Variants in ABCC4 observed in about 807,000 individuals in gnomAD.
The protein encoded by ABCC4 is ATP binding cassette subfamily C member 4 (PEL blood group).
A neutral mutation model predicts 168.5 loss-of-function variants in ABCC4; 102 were observed. That is an observed-to-expected ratio of 0.61 (90% confidence interval 0.52 to 0.71). The LOEUF is 0.71. Among genes scored for constraint, ABCC4 ranks in the 30% least tolerant of loss-of-function variants. ABCC4 has a pLI of 0.00. For synonymous variants in ABCC4, 617 were observed against 590.7 expected (o/e 1.04, Z -0.65); for missense variants, 1,402 against 1,605.8 (o/e 0.87, Z 2.17).
intron 4 of ABCC4, 143 bp from the exon 5 acceptor site, chr13:95,210,924 T>G (rs113714341): frequency 1.8e-6 from 1 of 570,852 alleles, no homozygotes; most frequent in Non-Finnish European, 3.1e-6. Context: ...CTGCCCCCTC[T>G]CTCTGCCCCA....
At chr13:95,060,072 G>C (rs547800141) in intron 26 of ABCC4, among the ~76,000 whole-genome samples, 1 of 152,238 alleles carries the variant, frequency 6.6e-6, no homozygotes. Context: ...TGATTTCCTG[G>C]GTCGCATTAA....
rs186801945 is a variant in ABCC4 at position 95,239,549 on chromosome 13, G to A, written c.307-4715C>T. ...AAAGACTAATAGTATACATTCAAAAGACTCAGGGCCCAACTTCGATAGACT... is the reference window on the plus strand; with the variant it reads ...AAAGACTAATAGTATACATTCAAAAAACTCAGGGCCCAACTTCGATAGACT... On this transcript the variant is annotated intron_variant, in intron 3 of 30. Coordinates refer to ENST00000645237, the MANE Select transcript of ABCC4 (RefSeq NM_005845.5). 5.0e-3 allele frequency among the ~76,000 whole-genome samples: 766 copies of A among 152,268 alleles called. 13 individuals carry two copies. The highest frequency in any genetic ancestry group is 0.046 in the Admixed American group (697 of 15,302).
At chr13:95,033,393 G>A (rs2031971629) in intron 30 of ABCC4, among the ~76,000 whole-genome samples, 1 of 152,092 alleles carries the variant, frequency 6.6e-6, no homozygotes, top group Admixed American at 6.5e-5. Context: ...AAGAACATTG[G>A]ATGTTCCTTC....
chr13:95,197,399 A>T (rs1400928159), intron 8 of ABCC4, among the ~76,000 whole-genome samples: 1 of 152,212 alleles, frequency 6.6e-6, no homozygotes, highest in African/African-American at 2.4e-5. Context: ...GAAGTTCCCC[A>T]CCTTCAAAAT....
intron 20 of ABCC4, among the ~76,000 whole-genome samples, chr13:95,088,070 G>T (rs538273143): frequency 2.0e-5 from 3 of 152,056 alleles, no homozygotes; most frequent in Admixed American, 6.6e-5. Context: ...GTTGGACTTC[G>T]GTTAGTGCTT....
intron 19 of ABCC4, among the ~76,000 whole-genome samples, chr13:95,122,281 T>C (rs1159993510): frequency 3.3e-5 from 5 of 152,198 alleles, no homozygotes; most frequent in Non-Finnish European, 7.3e-5. Flanking sequence ...GACACTCAGT[T>C]ATCCTACAAA....
chr13:95,293,405 T>A (rs2041450627), intron 1 of ABCC4, among the ~76,000 whole-genome samples: 1 of 151,846 alleles, frequency 6.6e-6, no homozygotes. Flanking sequence ...TTTTCCATAC[T>A]TCTACTCCAG....
intron 21 of ABCC4, among the ~76,000 whole-genome samples, chr13:95,080,206 T>C (rs2034043584): frequency 6.6e-6 from 1 of 152,186 alleles, no homozygotes; most frequent in Non-Finnish European, 1.5e-5. Flanking sequence ...TGCTAGTGGA[T>C]CACAATATCT....
chr13:95,031,207 T>C (rs991824046), intron 30 of ABCC4, among the ~76,000 whole-genome samples: 2 of 152,242 alleles, frequency 1.3e-5, no homozygotes, highest in South Asian at 2.1e-4. Flanking sequence ...CAAGAAAATA[T>C]TCAACTTGGA....
Position 95,091,351 on chromosome 13 carries a change from ACC to A in ABCC4, c.2536-8063_2536-8062del, listed in dbSNP as rs143208497. Among the ~76,000 whole-genome samples, 1,124 of 152,338 alleles carry A rather than the reference ACC, an allele frequency of 7.4e-3. 34 individuals carry two copies. In the East Asian group the frequency reaches 0.076, roughly 10 times the overall value. On this transcript the variant is annotated intron_variant, in intron 20 of 30. Coordinates refer to ENST00000645237, the MANE Select transcript of ABCC4 (RefSeq NM_005845.5). Reference sequence around the variant, plus strand: ...CACCTAGGTGCACTGTCATCAGGTTACCCAAAGGTAAGACCAAAGAAAGAATC... The same window carrying A: ...CACCTAGGTGCACTGTCATCAGGTTACAAAGGTAAGACCAAAGAAAGAATC...
intron 20 of ABCC4, among the ~76,000 whole-genome samples, chr13:95,087,511 C>T (rs2034297301): frequency 6.6e-6 from 1 of 152,154 alleles, no homozygotes; most frequent in South Asian, 2.1e-4. Flanking sequence ...ACCTACTTCT[C>T]AATGAAATGA....
intron 26 of ABCC4, among the ~76,000 whole-genome samples, chr13:95,058,581 A>G (rs939022358): frequency 1.0e-4 from 6 of 58,380 alleles, no homozygotes; most frequent in Non-Finnish European, 1.5e-4. Flanking sequence ...AAAAAAAAAA[A>G]AAAAAAAAAA....
Position 95,105,658 on chromosome 13 carries a change from C to T in ABCC4, c.2535+10264G>A, listed in dbSNP as rs1041123146. Among the ~76,000 whole-genome samples the T allele has an allele frequency of 6.6e-5, 10 of 152,242 alleles. 1 individual carries two copies. The Middle Eastern group carries it at 0.017, about 259-fold the overall frequency. On this transcript the variant is annotated intron_variant, in intron 20 of 30. Coordinates refer to ENST00000645237, the MANE Select transcript of ABCC4 (RefSeq NM_005845.5). ...GAAACACAATCAGGTTTCCACCAGG[C>T]AGAAGTATGGTGACTAAGCCTAGTG... is the stretch of plus-strand genomic sequence containing the variant.
At chr13:95,062,637 G>T (rs1729747) in intron 26 of ABCC4, 67 bp downstream of exon 26, 1 of 1,405,404 alleles carries the variant, frequency 7.1e-7, no homozygotes. Context: ...AAAGCAATAA[G>T]AGTAAAAGCA....
At chr13:95,066,095 G>A (rs2033532104) in intron 25 of ABCC4, among the ~76,000 whole-genome samples, 1 of 152,232 alleles carries the variant, frequency 6.6e-6, no homozygotes, top group Non-Finnish European at 1.5e-5. Context: ...GTGCACATGT[G>A]TGTTATTCAC....
At chr13:95,093,776 A>G (rs1395044422) in intron 20 of ABCC4, among the ~76,000 whole-genome samples, 1 of 151,778 alleles carries the variant, frequency 6.6e-6, no homozygotes, top group Admixed American at 6.6e-5. Context: ...GAAAGCCTAA[A>G]GACTCCTCCA....
intron 4 of ABCC4, among the ~76,000 whole-genome samples, chr13:95,229,973 G>A (rs1327106696): frequency 6.6e-6 from 1 of 152,150 alleles, no homozygotes. Flanking sequence ...CTGCTTCTGT[G>A]TCCCAGATAG....
rs1349790093 is a variant in ABCC4 at position 95,296,165 on chromosome 13, CACACACACACACACACACAA to C, written c.74+5056_74+5075del. On this transcript the variant is annotated intron_variant, in intron 1 of 30. Transcript: ENST00000645237. ...ACACACACACACACACACACACACA[CACACACACACACACACACAA>C]AAACACAAAATTAAATGGCCAGGAA... is the stretch of plus-strand genomic sequence containing the variant. Among the ~76,000 whole-genome samples, 117 of 90,732 alleles carry C rather than the reference CACACACACACACACACACAA, an allele frequency of 1.3e-3. 2 individuals carry two copies. Among genetic ancestry groups the C allele is most frequent in the African/African-American group, 2.4e-3 (77 of 31,850 alleles). The allele number at this position is 90,732 out of a possible 152,430, so 59.5% of individuals were successfully genotyped here. A position where few individuals can be genotyped will look rare whatever the true frequency, so the allele number is the denominator to read the frequency against.
chr13:95,094,861 A>T (rs186382105), intron 20 of ABCC4, among the ~76,000 whole-genome samples: 181 of 152,168 alleles, frequency 1.2e-3, no homozygotes, highest in Non-Finnish European at 1.6e-3. Flanking sequence ...GACTTAGGAC[A>T]TGAAGAGAAA....
Sources: allele counts gnomAD v4.1 joint callset (sites outside exome capture counted in the v4.1 genomes callset), GRCh38; gene constraint gnomAD v4.1.1; transcripts MANE v1.5; gene names NCBI Gene and HGNC (gene_info 2026-07-23, HGNC 2026-07-21).